Variants in CCR6 observed in about 807,000 individuals in gnomAD.
CCR6 encodes the protein C-C motif chemokine receptor 6.
A neutral mutation model predicts 3.0 loss-of-function variants in CCR6; 2 were observed. The ratio of observed to expected loss-of-function variants is 0.66; its 90% CI spans 0.27 to 2.07. CCR6 has a LOEUF of 2.07. CCR6 is among the 30% of genes most tolerant of loss of function. The probability of loss-of-function intolerance (pLI) is 0.14; values close to 1 mark genes in which losing one functional copy is unlikely to be tolerated. For missense variants in CCR6, 322 were observed against 462.8 expected (o/e 0.70, Z 2.79); for synonymous variants, 193 against 184.3 (o/e 1.05, Z -0.38).
chr6:167,124,398 C>T (rs1189877286), intron 1 of CCR6, among the ~76,000 whole-genome samples: 1 of 152,078 alleles, frequency 6.6e-6, no homozygotes, highest in Non-Finnish European at 1.5e-5. Context: ...CCTAGAGTTT[C>T]AGCTCCACTG....
At chr6:167,130,462 G>T (rs983369908) in intron 1 of CCR6, among the ~76,000 whole-genome samples, 2 of 151,936 alleles carry the variant, frequency 1.3e-5, no homozygotes, top group Non-Finnish European at 2.9e-5. Context: ...TGAGATCTGA[G>T]ATGATAGAGC....
chr6:167,132,284 G>A (rs866602272), intron 1 of CCR6, among the ~76,000 whole-genome samples: 1 of 152,110 alleles, frequency 6.6e-6, no homozygotes, highest in Admixed American at 6.5e-5. Context: ...TAAACCTGCT[G>A]GGAATGTTCC....
At chr6:167,123,390 T>G (rs1323127991) in intron 1 of CCR6, among the ~76,000 whole-genome samples, 167 bp downstream of exon 1, 1 of 152,146 alleles carries the variant, frequency 6.6e-6, no homozygotes, top group African/African-American at 2.4e-5. Flanking sequence ...AGCATTGACT[T>G]TATGGTTTTA....
chr6:167,118,092 C>T (rs773223491), upstream of CCR6, among the ~76,000 whole-genome samples: 1 of 152,104 alleles, frequency 6.6e-6, no homozygotes, highest in Non-Finnish European at 1.5e-5. Context: ...CCATCGGCGT[C>T]TCTGGGTTTA....
Position 167,137,122 on chromosome 6 carries a change from A to T in CCR6, c.892A>T (p.Lys298Ter). Residue 298 changes from lysine to a stop codon, truncating the protein, a stop_gained, in exon 3 of 3, where the codon AAA becomes TAA. Transcript: ENST00000341935. LOFTEE classifies it low-confidence loss of function (END_TRUNC). The surrounding 1 kb of genome is among the most constrained non-coding windows in gnomAD (Gnocchi z 4.6). The part of the protein sequence containing the change: ...CQSEKLIGYT[K>*]TVTEVLAFLH... ...GAGCGAAAAGCTAATTGGCTATACG[A>T]AAACTGTCACAGAAGTCCTGGCTTT... is the stretch of plus-strand genomic sequence containing the variant. 6.2e-7 allele frequency: 1 copy of T among 1,614,200 alleles called. No homozygotes were observed. The highest frequency in any genetic ancestry group is 8.5e-7 in the Non-Finnish European group (1 of 1,180,044).
chr6:167,126,632 C>T (rs1781673090), intron 1 of CCR6: 1 of 152,304 alleles, frequency 6.6e-6, no homozygotes, highest in African/African-American at 2.4e-5. Flanking sequence ...CCCCTAGGAG[C>T]TGCTCAGACC....
In CCR6 at chr6:167,133,932, G is replaced by GTGTATATATATATATATATATATA. The variant is rs1183741225; in HGVS notation, c.-97-2105_-97-2104insGTATATATATATATATATATATAT. Reference sequence around the variant, plus strand: ...ATACTATTATATATGATATATGTGTGTATATATATATATATATATATATAT... The same window carrying GTGTATATATATATATATATATATA: ...ATACTATTATATATGATATATGTGTGTGTATATATATATATATATATATATATATATATATATATATATATATAT... On this transcript the variant is annotated intron_variant, in intron 1 of 2. Coordinates refer to ENST00000341935, the MANE Select transcript of CCR6 (RefSeq NM_031409.4). 9.4e-4 allele frequency among the ~76,000 whole-genome samples: 104 copies of GTGTATATATATATATATATATATA among 110,388 alleles called. 11 individuals are homozygous for GTGTATATATATATATATATATATA. Among genetic ancestry groups the GTGTATATATATATATATATATATA allele is most frequent in the Non-Finnish European group, 1.2e-3 (72 of 57,670 alleles). The allele number at this position is 110,388 out of a possible 152,430, so 72.4% of individuals were successfully genotyped here.
intron 1 of CCR6, among the ~76,000 whole-genome samples, chr6:167,116,539 T>G (rs1420039766): frequency 6.6e-6 from 1 of 152,212 alleles, no homozygotes; most frequent in African/African-American, 2.4e-5. Flanking sequence ...GCATGGCTTT[T>G]GGCCAAAGTT....
chr6:167,137,254 A>G lies in CCR6; in HGVS notation c.1024A>G (p.Lys342Glu). ...KDLWCVRRKY[K>E]SSGFSCAGRY... ...CCTGTGGTGTGTGAGAAGGAAGTAC[A>G]AGTCCTCAGGCTTCTCCTGTGCCGG... The change falls in exon 3 of 3, where the codon AAG becomes GAG. Residue 342 changes from lysine (K) to glutamate (E), a missense_variant. Lys to Glu is a moderately conservative substitution (Grantham distance 56). Coordinates refer to ENST00000341935, the MANE Select transcript of CCR6 (RefSeq NM_031409.4). This position sits in a 1 kb window ranked among gnomAD's most constrained non-coding sequence, Gnocchi z 4.6. 1 of 1,614,170 alleles carries G rather than the reference A, an allele frequency of 6.2e-7. No individual in the cohort carries two copies. The highest frequency in any genetic ancestry group is 8.5e-7 in the Non-Finnish European group (1 of 1,180,020).
intron 1 of CCR6, among the ~76,000 whole-genome samples, chr6:167,114,025 G>A (rs1781453435): frequency 6.6e-6 from 1 of 152,164 alleles, no homozygotes; most frequent in Non-Finnish European, 1.5e-5. Flanking sequence ...GGGCAGGGTG[G>A]GTGGACCAGG....
In CCR6 at chr6:167,137,129, T is replaced by C. The variant is rs1386327861; in HGVS notation, c.899T>C (p.Val300Ala). The C allele has an allele frequency of 1.9e-6, 3 of 1,614,192 alleles. No individual in the cohort carries two copies. The highest frequency in any genetic ancestry group is 2.2e-5 in the East Asian group (1 of 44,882). Residue 300 changes from valine (V) to alanine (A), a missense_variant, in exon 3 of 3, where the codon GTC (valine) becomes GCC (alanine). Coordinates refer to ENST00000341935, the MANE Select transcript of CCR6 (RefSeq NM_031409.4). The surrounding 1 kb of genome is among the most constrained non-coding windows in gnomAD (Gnocchi z 4.6). ...SEKLIGYTKT[V>A]TEVLAFLHCC... ...AAGCTAATTGGCTATACGAAAACTG[T>C]CACAGAAGTCCTGGCTTTCCTGCAC... is the stretch of plus-strand genomic sequence containing the variant.
chr6:167,133,921 GAT>G (rs1270098580), intron 1 of CCR6, among the ~76,000 whole-genome samples: 4 of 62,548 alleles, frequency 6.4e-5, no homozygotes, highest in African/African-American at 2.9e-4. Context: ...TATTATATAT[GAT>G]ATATGTGTGT....
At chr6:167,127,777 A>G (rs1475852565) in intron 1 of CCR6, among the ~76,000 whole-genome samples, 8 of 152,190 alleles carry the variant, frequency 5.3e-5, no homozygotes, top group Non-Finnish European at 1.0e-4. Context: ...CTGCGATTAC[A>G]GGTGTGAGCC....
At chr6:167,130,986 T>TGGGCCCCCCTCCCTCTG (rs1371941354) in intron 1 of CCR6, among the ~76,000 whole-genome samples, 13 of 104,756 alleles carry the variant, frequency 1.2e-4, no homozygotes, top group African/African-American at 4.1e-4. Flanking sequence ...ACCCTCCCTC[T>TGGGCCCCCCTCCCTCTG]GGACCCCCTC....
Position 167,136,754 on chromosome 6 carries a change from C to CA in CCR6, c.525dup (p.Val176SerfsTer23), listed in dbSNP as rs776379468. 1 of 1,614,018 alleles carries CA rather than the reference C, an allele frequency of 6.2e-7. No individual in the cohort carries two copies. Among genetic ancestry groups the CA allele is most frequent in the African/African-American group, 1.3e-5 (1 of 75,056 alleles). ...ATCTGCCTTGTTGTGTGGGGGCTGTCAGTCATCATCTCCAGCTCAACTTTT... is the reference window on the plus strand; with the variant it reads ...ATCTGCCTTGTTGTGTGGGGGCTGTCAAGTCATCATCTCCAGCTCAACTTTT... On this transcript the variant is annotated frameshift_variant, in exon 3 of 3. Transcript: ENST00000341935. LOFTEE classifies it low-confidence loss of function (END_TRUNC). This position sits in a 1 kb window ranked among gnomAD's most constrained non-coding sequence, Gnocchi z 4.6.
In CCR6 at chr6:167,136,816, G is replaced by C. The variant is rs148691421; in HGVS notation, c.586G>C (p.Val196Leu). 11 of 1,614,106 alleles carry C rather than the reference G, an allele frequency of 6.8e-6. No homozygotes were observed. The highest frequency in any genetic ancestry group is 9.3e-6 in the Non-Finnish European group (11 of 1,180,040). ...AAAATACAACACCCAAGGCAGCGAT[G>C]TCTGTGAACCCAAGTACCAGACTGT... is the stretch of plus-strand genomic sequence containing the variant. ...NQKYNTQGSD[V>L]CEPKYQTVSE... The change falls in exon 3 of 3, where the codon GTC (valine) becomes CTC (leucine). Residue 196 changes from valine (V) to leucine (L), a missense_variant. Val to Leu is a conservative substitution (Grantham distance 32). Coordinates refer to ENST00000341935, the MANE Select transcript of CCR6 (RefSeq NM_031409.4). The surrounding 1 kb of genome is among the most constrained non-coding windows in gnomAD (Gnocchi z 4.6).
chr6:167,120,491 C>G (rs373819531), upstream of CCR6, among the ~76,000 whole-genome samples: 1 of 152,090 alleles, frequency 6.6e-6, no homozygotes, highest in East Asian at 1.9e-4. Flanking sequence ...GTGTGCAGAG[C>G]CTGTTTGTGA....
At chr6:167,113,744 A>C (rs1781448772) in intron 1 of CCR6, among the ~76,000 whole-genome samples, 1 of 152,248 alleles carries the variant, frequency 6.6e-6, no homozygotes, top group Non-Finnish European at 1.5e-5. Flanking sequence ...CAAGACCAAA[A>C]TGTTGGTTGG....
At chr6:167,114,331 G>A (rs1046982915) in intron 1 of CCR6, among the ~76,000 whole-genome samples, 1 of 152,166 alleles carries the variant, frequency 6.6e-6, no homozygotes, top group South Asian at 2.1e-4. Flanking sequence ...TAGCTGAGAC[G>A]GTCTAGCTCC....
Sources: allele counts gnomAD v4.1 joint callset (sites outside exome capture counted in the v4.1 genomes callset), GRCh38; gene constraint gnomAD v4.1.1; non-coding constraint Gnocchi (gnomAD v3.1); transcripts MANE v1.5; gene names NCBI Gene and HGNC (gene_info 2026-07-23, HGNC 2026-07-21).